Variants in DLG2 observed in about 807,000 individuals in gnomAD.
DLG2 encodes disks large homolog 2.
DLG2 carries 45 observed loss-of-function variants against 132.5 expected under a neutral mutation model. The observed-to-expected ratio is 0.34, with a 90% CI of 0.27 to 0.44. The LOEUF (loss-of-function observed/expected upper bound fraction) is 0.44. Ranked by LOEUF, DLG2 falls within the 20% of genes least tolerant of loss-of-function variation. The pLI, the probability that DLG2 is intolerant of heterozygous loss-of-function variation, is 1.00. For synonymous variants in DLG2, 424 were observed against 419.6 expected (o/e 1.01, Z -0.13); for missense variants, 1,045 against 1,196.9 (o/e 0.87, Z 1.87).
chr11:84,210,256 C>G (rs1365769178), intron 8 of DLG2, among the ~76,000 whole-genome samples: 2 of 151,508 alleles, frequency 1.3e-5, no homozygotes, highest in Non-Finnish European at 2.9e-5. Flanking sequence ...GCACTCTAGC[C>G]TGGGTGACAG....
intron 4 of DLG2, among the ~76,000 whole-genome samples, chr11:85,192,513 T>G (rs1018524812): frequency 6.6e-6 from 1 of 152,102 alleles, no homozygotes; most frequent in Non-Finnish European, 1.5e-5. Context: ...TTGAGAACCC[T>G]AAGGTAGAAA....
chr11:84,928,684 AC>A (rs1227329418), intron 6 of DLG2, among the ~76,000 whole-genome samples: 2 of 151,618 alleles, frequency 1.3e-5, no homozygotes, highest in Non-Finnish European at 3.0e-5. Context: ...CTCATTATAA[AC>A]CCTGAATCAA....
At chr11:84,582,718 G>C (rs1400788124) in intron 6 of DLG2, among the ~76,000 whole-genome samples, 1 of 151,962 alleles carries the variant, frequency 6.6e-6, no homozygotes, top group African/African-American at 2.4e-5. Context: ...AAAAAACTGA[G>C]GAGTGACTTT....
intron 6 of DLG2, among the ~76,000 whole-genome samples, chr11:84,984,525 C>T (rs924890465): frequency 2.0e-5 from 3 of 151,740 alleles, no homozygotes; most frequent in Non-Finnish European, 2.9e-5. Context: ...CAAAACAGAA[C>T]CTCTTTAAAG....
At chr11:84,824,911 A>G (rs774577926) in intron 6 of DLG2, among the ~76,000 whole-genome samples, 72 of 151,856 alleles carry the variant, frequency 4.7e-4, no homozygotes, top group Non-Finnish European at 9.7e-4. Context: ...GGAATTAAGC[A>G]TTTGTTCTCC....
At chr11:84,685,551 G>C (rs1318548142) in intron 6 of DLG2, among the ~76,000 whole-genome samples, 1 of 152,146 alleles carries the variant, frequency 6.6e-6, no homozygotes, top group Non-Finnish European at 1.5e-5. Flanking sequence ...TTTTCCTGCA[G>C]CTCACTCCTG....
intron 9 of DLG2, among the ~76,000 whole-genome samples, chr11:84,150,584 T>A (rs1274028555): frequency 2.0e-5 from 3 of 152,206 alleles, no homozygotes; most frequent in Admixed American, 6.5e-5. Flanking sequence ...TGACTTCTTG[T>A]CCTATTTGGA....
intron 8 of DLG2, among the ~76,000 whole-genome samples, chr11:84,212,656 GTACT>G (rs2096771256): frequency 3.3e-5 from 5 of 152,204 alleles, no homozygotes; most frequent in South Asian, 4.2e-4. Flanking sequence ...TTCAAGTACG[GTACT>G]TACTTTCACT....
At chr11:83,491,618 T>C (rs753121289) in intron 21 of DLG2, among the ~76,000 whole-genome samples, 37 of 152,036 alleles carry the variant, frequency 2.4e-4, no homozygotes, top group African/African-American at 6.3e-4. Flanking sequence ...CCAAGCCCAG[T>C]ATAGCTAAGG....
At position 83,998,969 on chromosome 11, in the gene DLG2, T is replaced by C. The variant is rs115612202; in HGVS notation, c.920-18327A>G. Among the ~76,000 whole-genome samples, 302 of 152,292 alleles carry C rather than the reference T, an allele frequency of 2.0e-3. 1 individual carries two copies. Among genetic ancestry groups the C allele is most frequent in the African/African-American group, 7.0e-3 (289 of 41,554 alleles). ...GGGGACTGAAGCATAAGTAAGGTAG[T>C]GGCTATCACAACAAGAATTGAGGCA... On this transcript the variant is annotated intron_variant, in intron 11 of 27. Transcript: ENST00000376104.
intron 6 of DLG2, among the ~76,000 whole-genome samples, chr11:84,874,694 G>A (rs2086046614): frequency 1.3e-5 from 2 of 152,120 alleles, no homozygotes; most frequent in South Asian, 4.1e-4. Flanking sequence ...GAATTAGACT[G>A]ATAGAAGGAA....
intron 10 of DLG2, among the ~76,000 whole-genome samples, chr11:84,097,731 T>A (rs1247996651): frequency 3.3e-5 from 5 of 152,218 alleles, no homozygotes; most frequent in Admixed American, 3.3e-4. Context: ...AAGAGTTTAT[T>A]GAGCCAGTTA....
At chr11:84,212,964 T>G (rs2096776834) in intron 8 of DLG2, among the ~76,000 whole-genome samples, 1 of 152,032 alleles carries the variant, frequency 6.6e-6, no homozygotes, top group Non-Finnish European at 1.5e-5. Flanking sequence ...GGCCTTACTT[T>G]CACTTTTATG....
At chr11:83,821,480 G>T (rs186160022) in intron 17 of DLG2, among the ~76,000 whole-genome samples, 3 of 152,208 alleles carry the variant, frequency 2.0e-5, no homozygotes, top group East Asian at 1.9e-4. Flanking sequence ...CATAGTAGTT[G>T]TTTCTTTTTA....
At chr11:85,596,185 C>G (rs1260600330) in intron 3 of DLG2, among the ~76,000 whole-genome samples, 1 of 152,082 alleles carries the variant, frequency 6.6e-6, no homozygotes, top group Non-Finnish European at 1.5e-5. Flanking sequence ...GTCAGGAAAT[C>G]AAGACCATCT....
intron 19 of DLG2, among the ~76,000 whole-genome samples, chr11:83,560,291 T>G (rs1449411830): frequency 6.6e-6 from 1 of 152,044 alleles, no homozygotes; most frequent in African/African-American, 2.4e-5. Context: ...CTAATTTTTG[T>G]ATTTTTAGTA....
chr11:84,807,720 A>G (rs2076153472), intron 6 of DLG2, among the ~76,000 whole-genome samples: 3 of 152,194 alleles, frequency 2.0e-5, no homozygotes, highest in Admixed American at 2.0e-4. Flanking sequence ...AATACCAGAT[A>G]AAGTATACTT....
chr11:83,750,515 T>C (rs565986654), intron 18 of DLG2, among the ~76,000 whole-genome samples: 85 of 152,264 alleles, frequency 5.6e-4, no homozygotes, highest in African/African-American at 1.8e-3. Context: ...ATAGAAGCAA[T>C]AGAGAGAGGC....
chr11:84,708,092 T>C (rs938218666), intron 6 of DLG2, among the ~76,000 whole-genome samples: 1 of 151,790 alleles, frequency 6.6e-6, no homozygotes, highest in Non-Finnish European at 1.5e-5. Flanking sequence ...CCATCTAGTC[T>C]AGCCCCCAAA....
Sources: allele counts gnomAD v4.1 joint callset (sites outside exome capture counted in the v4.1 genomes callset), GRCh38; gene constraint gnomAD v4.1.1; transcripts MANE v1.5; gene names NCBI Gene and HGNC (gene_info 2026-07-23, HGNC 2026-07-21).